The following ZC3H12B variants were observed in gnomAD, a reference collection of about 807,000 sequenced individuals.
ZC3H12B encodes zinc finger CCCH-type containing 12B, also known as probable ribonuclease ZC3H12B.
A neutral mutation model predicts 43.9 loss-of-function variants in ZC3H12B; 7 were observed. The ratio of observed to expected loss-of-function variants is 0.16; its 90% CI spans 0.09 to 0.30. The LOEUF (loss-of-function observed/expected upper bound fraction) is 0.30, where lower values mean the gene tolerates loss of function less well. Among genes scored for constraint, ZC3H12B ranks in the 10% least tolerant of loss-of-function variants. ZC3H12B has a pLI of 1.00. For synonymous variants in ZC3H12B, 222 were observed against 241.7 expected (o/e 0.92, Z 0.76); for missense variants, 475 against 670.2 (o/e 0.71, Z 3.22).
chrX:65,251,321 T>A, the ZC3H12B span, among the ~76,000 whole-genome samples: 1 of 111,959 alleles, frequency 8.9e-6, no homozygotes, highest in Non-Finnish European at 1.9e-5. Context: ...ACCAGTACCA[T>A]GCTGTTTTGG....
chrX:65,237,286 C>T, the ZC3H12B span, among the ~76,000 whole-genome samples: 3 of 111,181 alleles, frequency 2.7e-5, no homozygotes, highest in Admixed American at 2.9e-4. Context: ...CCTTCACCTC[C>T]CCTGTTAGCT....
chrX:65,135,524 A>G, the ZC3H12B span, among the ~76,000 whole-genome samples: 1 of 105,813 alleles, frequency 9.5e-6, no homozygotes, highest in Non-Finnish European at 1.9e-5. Context: ...ATATATTATA[A>G]TGGATATATT....
the ZC3H12B span, among the ~76,000 whole-genome samples, chrX:65,314,531 C>T: frequency 3.6e-5 from 4 of 111,820 alleles, no homozygotes; most frequent in Admixed American, 2.8e-4. Flanking sequence ...AACTATCCAT[C>T]CAGAATTTTA....
chrX:65,241,889 T>G, the ZC3H12B span, among the ~76,000 whole-genome samples: 1 of 111,414 alleles, frequency 9.0e-6, no homozygotes, highest in Non-Finnish European at 1.9e-5. Context: ...TTGCTGGCAT[T>G]CCTGAAGCTA....
chrX:65,191,891 T>G, the ZC3H12B span, among the ~76,000 whole-genome samples: 2 of 103,348 alleles, frequency 1.9e-5, no homozygotes, highest in Non-Finnish European at 4.0e-5. Context: ...AATTGTGATG[T>G]TAGGGTGTCA....
the ZC3H12B span, among the ~76,000 whole-genome samples, chrX:65,081,760 T>G: frequency 8.9e-6 from 1 of 111,736 alleles, no homozygotes; most frequent in Non-Finnish European, 1.9e-5. Context: ...TCAGACTTAA[T>G]CTAAACTGTA....
At chrX:65,317,788 AT>A in the ZC3H12B span, among the ~76,000 whole-genome samples, 1 of 103,338 alleles carries the variant, frequency 9.7e-6, no homozygotes, top group Non-Finnish European at 2.0e-5. Context: ...ATATATATAA[AT>A]ATACACACAC....
At chrX:65,290,331 C>CA in the ZC3H12B span, among the ~76,000 whole-genome samples, 23 of 109,537 alleles carry the variant, frequency 2.1e-4, no homozygotes, top group African/African-American at 6.6e-5. Context: ...AAAACAAAAA[C>CA]AAAAAACACA....
the ZC3H12B span, among the ~76,000 whole-genome samples, chrX:65,143,752 A>T: frequency 1.9e-5 from 2 of 107,840 alleles, no homozygotes; most frequent in Non-Finnish European, 3.8e-5. Flanking sequence ...AATTTTTAAT[A>T]GCGGTGGGGT....
chrX:65,408,601 G>T lies in ZC3H12B; in HGVS notation n.407+9897G>T. 3.5e-6 allele frequency: 4 copies of T among 1,135,829 alleles called. No individual in the cohort carries two copies. The South Asian group carries it at 5.6e-5, about 16-fold the overall frequency. The allele number at this position is 1,135,829 out of a possible 1,213,427, so 93.6% of individuals were successfully genotyped here. ...TTGCACTGTCTAGTGCTCTGAGTGG[G>T]CAATCTCACTTGGCAATAAAAGATG... is the stretch of plus-strand genomic sequence containing the variant. On this transcript the variant is annotated intron_variant and non_coding_transcript_variant, in intron 3 of 5. Coordinates refer to the ZC3H12B transcript ENST00000617377.
chrX:65,229,536 G>C, the ZC3H12B span, among the ~76,000 whole-genome samples: 1 of 111,218 alleles, frequency 9.0e-6, no homozygotes, highest in Admixed American at 9.6e-5. Context: ...TGACAAGTGG[G>C]ATCCAATTAA....
At chrX:65,095,188 A>T in the ZC3H12B span, among the ~76,000 whole-genome samples, 4 of 112,057 alleles carry the variant, frequency 3.6e-5, no homozygotes, top group African/African-American at 1.3e-4. Flanking sequence ...TTGTTAGATT[A>T]CAAAATGGAT....
chrX:65,497,324 T>C (rs1318109159), intron 2 of ZC3H12B, 53 bp downstream of exon 7: 4 of 1,109,328 alleles, frequency 3.6e-6, no homozygotes, highest in South Asian at 2.3e-5. Context: ...TCTGGAAAGA[T>C]AGTTTGGGGA....
chrX:65,349,895 C>T, the ZC3H12B span, among the ~76,000 whole-genome samples: 6 of 111,692 alleles, frequency 5.4e-5, no homozygotes, highest in Non-Finnish European at 1.1e-4. Context: ...CCAGGAACAA[C>T]ATATGGATTC....
the ZC3H12B span, among the ~76,000 whole-genome samples, chrX:65,248,036 T>G: frequency 1.1e-5 from 1 of 94,277 alleles, no homozygotes; most frequent in Non-Finnish European, 1.9e-5. Context: ...TAGGCAAGAT[T>G]AGCCACGAAA....
intron 3 of ZC3H12B, among the ~76,000 whole-genome samples, chrX:65,458,783 C>T (rs1399949880): frequency 9.0e-6 from 1 of 111,544 alleles, no homozygotes; most frequent in Non-Finnish European, 1.9e-5. Flanking sequence ...GACACCCTAA[C>T]ATCACAATTG....
At chrX:65,380,825 T>G (rs943422513) in intron 2 of ZC3H12B, among the ~76,000 whole-genome samples, 60 of 111,403 alleles carry the variant, frequency 5.4e-4, no homozygotes, top group African/African-American at 1.7e-3. Flanking sequence ...TAAAACAGAC[T>G]TTAAACCAAC....
chrX:65,093,096 C>T, the ZC3H12B span, among the ~76,000 whole-genome samples: 2 of 112,048 alleles, frequency 1.8e-5, no homozygotes, highest in African/African-American at 6.5e-5. Flanking sequence ...CCAGGTGCAG[C>T]TTGGGTCACT....
the ZC3H12B span, among the ~76,000 whole-genome samples, chrX:65,060,367 A>G: frequency 8.9e-6 from 1 of 111,913 alleles, no homozygotes; most frequent in Non-Finnish European, 1.9e-5. Context: ...TTGAGGTTTT[A>G]TGTTCCTTCT....
Sources: gnomAD v4.1 joint callset for allele counts (sites outside exome capture counted in the v4.1 genomes callset) on GRCh38, gnomAD v4.1.1 for gene constraint, MANE v1.5 for transcripts, NCBI Gene and HGNC (gene_info 2026-07-23, HGNC 2026-07-21) for gene names.